The following SPHKAP variants were observed in gnomAD, a reference collection of about 807,000 sequenced individuals.
The protein encoded by SPHKAP is A-kinase anchor protein SPHKAP.
Under a neutral mutation model 137.5 loss-of-function variants are expected in SPHKAP, and 67 were observed. That is an observed-to-expected ratio of 0.49 (90% confidence interval 0.40 to 0.60). SPHKAP has a LOEUF of 0.60. Ranked by LOEUF, SPHKAP falls within the 20% of genes least tolerant of loss-of-function variation. The probability of loss-of-function intolerance (pLI) is 0.00; values close to 1 mark genes in which losing one functional copy is unlikely to be tolerated. For synonymous variants in SPHKAP, 813 were observed against 785.3 expected, an observed-to-expected ratio of 1.04 and a Z score of -0.59; for missense variants, 2,097 against 2,069.3, an observed-to-expected ratio of 1.01 and a Z score of -0.26.
At chr2:228,159,541 G>A (rs1387682812) in intron 1 of SPHKAP, among the ~76,000 whole-genome samples, 1 of 152,144 alleles carries the variant, frequency 6.6e-6, no homozygotes, top group African/African-American at 2.4e-5. Flanking sequence ...TGGCTCCCGG[G>A]TCTTTAAAGA....
intron 3 of SPHKAP, among the ~76,000 whole-genome samples, chr2:228,068,447 A>G (rs1188835583): frequency 6.6e-6 from 1 of 152,194 alleles, no homozygotes; most frequent in Non-Finnish European, 1.5e-5. Flanking sequence ...AAAAGAACAA[A>G]ACTGGAGACA....
At chr2:228,005,565 G>A (rs1278815614) in intron 7 of SPHKAP, among the ~76,000 whole-genome samples, 2 of 152,150 alleles carry the variant, frequency 1.3e-5, no homozygotes, top group African/African-American at 2.4e-5. Flanking sequence ...GGTTAATATT[G>A]TTATGTGGGA....
chr2:228,067,671 GA>G (rs987585454), intron 3 of SPHKAP, among the ~76,000 whole-genome samples: 6 of 152,094 alleles, frequency 3.9e-5, no homozygotes, highest in South Asian at 2.1e-4. Context: ...GTACAGGTAA[GA>G]TTTTTTTTTT....
chr2:228,095,748 A>G (rs1687807519), intron 3 of SPHKAP, among the ~76,000 whole-genome samples: 1 of 152,178 alleles, frequency 6.6e-6, no homozygotes, highest in South Asian at 2.1e-4. Context: ...TTTTTAAAGG[A>G]CAGTTGGAGA....
At chr2:228,044,863 A>G (rs981171216) in intron 3 of SPHKAP, among the ~76,000 whole-genome samples, 2 of 152,238 alleles carry the variant, frequency 1.3e-5, no homozygotes, top group African/African-American at 2.4e-5. Context: ...CAAAGGGCTA[A>G]TATCCAAAAT....
At chr2:228,145,832 A>C (rs1052100657) in intron 1 of SPHKAP, among the ~76,000 whole-genome samples, 4 of 152,222 alleles carry the variant, frequency 2.6e-5, no homozygotes, top group Non-Finnish European at 5.9e-5. Context: ...TACCTAAAAA[A>C]GACTGAGTTT....
At chr2:228,104,283 C>A (rs1336167982) in intron 3 of SPHKAP, among the ~76,000 whole-genome samples, 1 of 140,816 alleles carries the variant, frequency 7.1e-6, no homozygotes, top group Non-Finnish European at 1.5e-5. Context: ...TATTATATAT[C>A]ATTATATCAT....
At chr2:228,001,284 T>TATAAATATCTATACATATAA (rs56122772) in intron 7 of SPHKAP, among the ~76,000 whole-genome samples, 1 of 143,348 alleles carries the variant, frequency 7.0e-6, no homozygotes, top group African/African-American at 2.6e-5. Context: ...TATCTATACA[T>TATAAATATCTATACATATAA]ATATCTATAC....
chr2:228,131,297 G>A (rs1049814611), intron 2 of SPHKAP: 4 of 985,078 alleles, frequency 4.1e-6, no homozygotes, highest in African/African-American at 3.5e-5. Flanking sequence ...ATTGGGATGA[G>A]AAGAAACATA....
intron 2 of SPHKAP, 114 bp downstream of exon 2, chr2:228,131,866 T>G: frequency 1.4e-6 from 2 of 1,429,792 alleles, no homozygotes; most frequent in Non-Finnish European, 1.9e-6. Flanking sequence ...CCGTGAGCCA[T>G]TTTGTTGTTT....
At chr2:228,021,342 T>A (rs1327697969) in intron 6 of SPHKAP, among the ~76,000 whole-genome samples, 1 of 152,214 alleles carries the variant, frequency 6.6e-6, no homozygotes, top group African/African-American at 2.4e-5. Flanking sequence ...AAATCCAGGC[T>A]GGTCCAACTT....
At position 228,093,627 on chromosome 2, in the gene SPHKAP, A is replaced by G. The variant is rs182564603; in HGVS notation, c.246+15205T>C. On this transcript the variant is annotated intron_variant, in intron 3 of 11. Coordinates refer to ENST00000392056, the MANE Select transcript of SPHKAP (RefSeq NM_001142644.2). Reference sequence around the variant, plus strand: ...GTAATCACAGCACTTTGGGAGGCTGAGGTGGGGGGACCACTAGGTCAGGAT... The same window carrying G: ...GTAATCACAGCACTTTGGGAGGCTGGGGTGGGGGGACCACTAGGTCAGGAT... Among the ~76,000 whole-genome samples, 345 of 152,182 alleles carry G rather than the reference A, an allele frequency of 2.3e-3. 1 individual carries two copies. The highest frequency in any genetic ancestry group is 5.8e-3 in the Admixed American group (89 of 15,268).
intron 1 of SPHKAP, among the ~76,000 whole-genome samples, chr2:228,156,996 C>A (rs1206096594): frequency 6.6e-6 from 1 of 152,046 alleles, no homozygotes; most frequent in African/African-American, 2.4e-5. Flanking sequence ...TACTGGGCAG[C>A]AAGCACAGTG....
Position 228,116,400 on chromosome 2 carries a change from GTTTTCCCGA to G in SPHKAP, c.139-7470_139-7462del, listed in dbSNP as rs1168285931. On this transcript the variant is annotated intron_variant, in intron 2 of 11. Transcript: ENST00000392056. ...AGTCACTTAACTTCTTTGAGACTCA[GTTTTCCCGA>G]AAATGAGAGTGGTATTTCTACTCAC... 1.4e-4 allele frequency among the ~76,000 whole-genome samples: 21 copies of G among 152,238 alleles called. No individual in the cohort carries two copies. In the East Asian group the frequency reaches 2.1e-3, roughly 15 times the overall value.
chr2:228,019,155 C>A lies in SPHKAP; in HGVS notation c.1699G>T (p.Ala567Ser), dbSNP rs1473274601. 3 of 1,613,778 alleles carry A rather than the reference C, an allele frequency of 1.9e-6. No homozygotes were observed. Among genetic ancestry groups the A allele is most frequent in the Non-Finnish European group, 2.5e-6 (3 of 1,180,024 alleles). Residue 567 changes from alanine (A) to serine (S), a missense_variant, in exon 7 of 12, where the codon GCC becomes TCC. Transcript: ENST00000392056. ...ALCGMTQVAS[A>S]VAVCGLGERE... is the part of the protein sequence containing the mutation. ...TCACCCAGACCACAGACAGCCACGG[C>A]ACTGGCCACCTGAGTCATGCCACAC...
chr2:228,090,364 T>A (rs932294701), intron 3 of SPHKAP, among the ~76,000 whole-genome samples: 1 of 152,236 alleles, frequency 6.6e-6, no homozygotes, highest in African/African-American at 2.4e-5. Flanking sequence ...CTCCATTGTA[T>A]CTTGGAAGTA....
rs1039124300 is a variant in SPHKAP, at chr2:227,995,505, G to A, written c.4634+4C>T. 2 of 1,613,882 alleles carry A rather than the reference G, an allele frequency of 1.2e-6. No homozygotes were observed. The highest frequency in any genetic ancestry group is 1.7e-6 in the Non-Finnish European group (2 of 1,179,984). ...CCCTGGGAATTCAAGGGAAGAGCAG[G>A]TACCTCATGGATCGCTCACTGAGCT... On this transcript the variant is annotated splice_donor_region_variant and intron_variant, in intron 8 of 11. Coordinates refer to ENST00000392056, the MANE Select transcript of SPHKAP (RefSeq NM_001142644.2).
At chr2:228,033,729 T>A (rs1198178674) in intron 3 of SPHKAP, among the ~76,000 whole-genome samples, 1 of 152,156 alleles carries the variant, frequency 6.6e-6, no homozygotes, top group African/African-American at 2.4e-5. Flanking sequence ...AGAAACTCAC[T>A]CAAAACCACT....
chr2:228,123,551 A>T (rs1201682738), intron 2 of SPHKAP, among the ~76,000 whole-genome samples: 1 of 152,340 alleles, frequency 6.6e-6, no homozygotes, highest in East Asian at 1.9e-4. Flanking sequence ...ACAGAATATT[A>T]TATCTATTTT....
Sources: gnomAD v4.1 joint callset for allele counts (sites outside exome capture counted in the v4.1 genomes callset) on GRCh38, gnomAD v4.1.1 for gene constraint, MANE v1.5 for transcripts, NCBI Gene and HGNC (gene_info 2026-07-23, HGNC 2026-07-21) for gene names.